Variants in CHRM1 observed in about 807,000 individuals in gnomAD.
CHRM1 encodes muscarinic acetylcholine receptor M1.
Under a neutral mutation model 31.6 loss-of-function variants are expected in CHRM1, and 5 were observed. The observed-to-expected ratio is 0.16, with a 90% CI of 0.08 to 0.33. The LOEUF (loss-of-function observed/expected upper bound fraction) is 0.33. Among genes scored for constraint, CHRM1 ranks in the 10% least tolerant of loss-of-function variants. The probability of loss-of-function intolerance (pLI) is 1.00; values close to 1 mark genes in which losing one functional copy is unlikely to be tolerated. For synonymous variants in CHRM1, 227 were observed against 249.7 expected (o/e 0.91, Z 0.86); for missense variants, 338 against 610.3 (o/e 0.55, Z 4.70).
In CHRM1 at chr11:62,910,681, G is replaced by A. The variant is rs2085866058; in HGVS notation, c.420C>T (p.Arg140=). The change falls in exon 2 of 2, where the codon CGC becomes CGT. Residue 140 remains arginine (R), a synonymous_variant. Coordinates refer to ENST00000306960, the MANE Select transcript of CHRM1 (RefSeq NM_000738.3). This position sits in a 1 kb window ranked among gnomAD's most constrained non-coding sequence, Gnocchi z 8.7. ...CCAGGCCGATCATCAGAGCTGCCCG[G>A]CGGGGTGTGCGCTTGGCACGGTAGC... is the stretch of plus-strand genomic sequence containing the variant. ...PLSYRAKRTP[R]RAALMIGLAW... is the part of the protein sequence containing the mutation. The A allele has an allele frequency of 1.2e-6, 2 of 1,614,064 alleles. No individual in the cohort carries two copies. The highest frequency in any genetic ancestry group is 8.5e-7 in the Non-Finnish European group (1 of 1,180,046).
chr11:62,914,912 C>T (rs1287793034), intron 1 of CHRM1, among the ~76,000 whole-genome samples: 1 of 152,184 alleles, frequency 6.6e-6, no homozygotes, highest in African/African-American at 2.4e-5. Context: ...TGGTGGCTCA[C>T]GCCTGTAATC....
In CHRM1 at chr11:62,911,138, T is replaced by C; in HGVS notation, c.-38A>G. 3 of 1,593,078 alleles carry C rather than the reference T, an allele frequency of 1.9e-6. No homozygotes were observed. The highest frequency in any genetic ancestry group is 2.6e-6 in the Non-Finnish European group (3 of 1,167,318). On this transcript the variant is annotated 5_prime_UTR_variant, in exon 2 of 2. Coordinates refer to ENST00000306960, the MANE Select transcript of CHRM1 (RefSeq NM_000738.3). ...GGGCTGGGGTTGGAGAGCCCCTTCC[T>C]CCAGGCACGCTACAGGGCTTCCTCA...
intron 1 of CHRM1, among the ~76,000 whole-genome samples, chr11:62,919,217 C>T (rs769653833): frequency 2.6e-5 from 4 of 152,164 alleles, no homozygotes; most frequent in Non-Finnish European, 4.4e-5. Flanking sequence ...CATTAAGGTG[C>T]ACAAAACTTC....
rs981158813 is a variant in CHRM1 at position 62,910,948 on chromosome 11, C to T, written c.153G>A (p.Lys51=). The T allele has an allele frequency of 1.1e-5, 17 of 1,614,050 alleles. No homozygotes were observed. In the African/African-American group the frequency reaches 2.0e-4, roughly 19 times the overall value. ...TGACTGTCTTGAGCTCCGTGTTGAC[C>T]TTGAAAGAGATGAGTACCAGCAGGT... ...TGNLLVLISF[K]VNTELKTVNN... Residue 51 remains lysine, a synonymous_variant, in exon 2 of 2, where the codon AAG becomes AAA. Transcript: ENST00000306960. This position sits in a 1 kb window ranked among gnomAD's most constrained non-coding sequence, Gnocchi z 8.7.
chr11:62,912,087 A>C (rs1003135222), intron 1 of CHRM1, among the ~76,000 whole-genome samples: 1 of 152,098 alleles, frequency 6.6e-6, no homozygotes, highest in Non-Finnish European at 1.5e-5. Context: ...GGTCTGGGGC[A>C]GGCCGGCGTG....
intron 1 of CHRM1, among the ~76,000 whole-genome samples, chr11:62,915,802 GTTA>G (rs906570897): frequency 5.9e-5 from 9 of 151,464 alleles, no homozygotes; most frequent in South Asian, 2.1e-4. Context: ...AAGCCTTATT[GTTA>G]TTATTATTAT....
At chr11:62,916,620 T>C (rs2085901715) in intron 1 of CHRM1, among the ~76,000 whole-genome samples, 2 of 152,248 alleles carry the variant, frequency 1.3e-5, no homozygotes, top group Non-Finnish European at 2.9e-5. Context: ...TAATGCCTCC[T>C]GGATGGCAGG....
intron 1 of CHRM1, among the ~76,000 whole-genome samples, chr11:62,916,644 T>C (rs984344293): frequency 1.3e-5 from 2 of 152,228 alleles, no homozygotes; most frequent in African/African-American, 2.4e-5. Flanking sequence ...TTAATATATA[T>C]TCTTTCCCTT....
chr11:62,911,204 G>T (rs1167770429), intron 1 of CHRM1, 26 bp from the exon 2 acceptor site: 2 of 1,119,446 alleles, frequency 1.8e-6, no homozygotes, highest in Non-Finnish European at 2.5e-6. Flanking sequence ...ATGGGCTTTG[G>T]TTGGGCCACT....
intron 1 of CHRM1, 102 bp downstream of exon 1, chr11:62,921,116 C>G (rs2085931137): frequency 6.5e-6 from 1 of 152,786 alleles, no homozygotes; most frequent in African/African-American, 2.4e-5. Context: ...GAGTCCATCC[C>G]TATTTCCATC....
At position 62,909,626 on chromosome 11, in the gene CHRM1, AGCAGGGCCCTGGGGCTGAGGAT is replaced by A; in HGVS notation, c.*70_*91del. The A allele has an allele frequency of 1.3e-6, 2 of 1,488,300 alleles. No homozygotes were observed. The highest frequency in any genetic ancestry group is 1.8e-6 in the Non-Finnish European group (2 of 1,100,870). The allele number at this position is 1,488,300 out of a possible 1,614,324, so 92.2% of individuals were successfully genotyped here. On this transcript the variant is annotated 3_prime_UTR_variant, in exon 2 of 2. Coordinates refer to ENST00000306960, the MANE Select transcript of CHRM1 (RefSeq NM_000738.3). ...GTCCTGGGAAGCCAGGTGAGGCCTG[AGCAGGGCCCTGGGGCTGAGGAT>A]GCAGCCCCTGCCCTCTTCCCACCGG...
In CHRM1 at chr11:62,909,204, C is replaced by T. The variant is rs1461139289; in HGVS notation, c.*514G>A. 4 of 167,216 alleles carry T rather than the reference C, an allele frequency of 2.4e-5. No individual in the cohort carries two copies. The highest frequency in any genetic ancestry group is 5.5e-5 in the Admixed American group (1 of 18,186). The allele number at this position is 167,216 out of a possible 1,614,324, so 10.4% of individuals were successfully genotyped here. A position where few individuals can be genotyped will look rare whatever the true frequency, so the allele number is the denominator to read the frequency against. On this transcript the variant is annotated 3_prime_UTR_variant, in exon 2 of 2. Transcript: ENST00000306960. ...TTGTGGACAATCCTGGAGAGTATGC[C>T]TAGGGCCCAGGTGGGCGGGCTCTGC...
intron 1 of CHRM1, among the ~76,000 whole-genome samples, chr11:62,915,676 G>T (rs2085896747): frequency 6.6e-6 from 1 of 152,122 alleles, no homozygotes. Context: ...CTTCCTTGCT[G>T]TGTGACCATC....
chr11:62,910,316 C>G lies in CHRM1; in HGVS notation c.785G>C (p.Cys262Ser). The G allele has an allele frequency of 6.2e-7, 1 of 1,610,858 alleles. No homozygotes were observed. Among genetic ancestry groups the G allele is most frequent in the Non-Finnish European group, 8.5e-7 (1 of 1,179,984 alleles). The change falls in exon 2 of 2, where the codon TGC becomes TCC. Residue 262 changes from cysteine (C) to serine (S), a missense_variant. Physicochemically the swap from Cys to Ser is moderately radical, Grantham distance 112. Around this residue, in one of 4 missense-constraint regions of CHRM1, gnomAD observed 183 missense variants for 223.4 expected, o/e 0.82. Transcript: ENST00000306960. This position sits in a 1 kb window ranked among gnomAD's most constrained non-coding sequence, Gnocchi z 8.7. ...PETPPGRCCR[C>S]CRAPRLLQAY... ...CTGCAGCAGCCTGGGGGCCCGGCAG[C>G]AGCGACAGCAGCGGCCTGGAGGAGT...
chr11:62,914,856 C>G (rs1331085172), intron 1 of CHRM1, among the ~76,000 whole-genome samples: 1 of 152,174 alleles, frequency 6.6e-6, no homozygotes, highest in African/African-American at 2.4e-5. Flanking sequence ...CTCTCATCTG[C>G]CTGGGCATGG....
In CHRM1 at chr11:62,908,849, G is replaced by C. The variant is rs2085851083; in HGVS notation, c.*869C>G. On this transcript the variant is annotated 3_prime_UTR_variant, in exon 2 of 2. Transcript: ENST00000306960. ...CTGCTGGCTGGGCCAGGCCTGTGTG[G>C]GGCAGGGCCGGAGGCAGGCAGCATG... 1 of 152,990 alleles carries C rather than the reference G, an allele frequency of 6.5e-6. No individual in the cohort carries two copies. Among genetic ancestry groups the C allele is most frequent in the African/African-American group, 2.4e-5 (1 of 41,478 alleles). The allele number at this position is 152,990 out of a possible 1,614,324, so 9.5% of individuals were successfully genotyped here. A position where few individuals can be genotyped will look rare whatever the true frequency, so the allele number is the denominator to read the frequency against.
chr11:62,910,095 G>T lies in CHRM1; in HGVS notation c.1006C>A (p.Arg336=). 1 of 1,612,170 alleles carries T rather than the reference G, an allele frequency of 6.2e-7. No individual in the cohort carries two copies. The highest frequency in any genetic ancestry group is 8.5e-7 in the Non-Finnish European group (1 of 1,179,490). The change falls in exon 2 of 2, where the codon CGA becomes AGA. Residue 336 remains arginine (R), a synonymous_variant. Coordinates refer to ENST00000306960, the MANE Select transcript of CHRM1 (RefSeq NM_000738.3). The surrounding 1 kb of genome is among the most constrained non-coding windows in gnomAD (Gnocchi z 8.7). The part of the protein sequence containing the change: ...VKRPTKKGRD[R]AGKGQKPRGK... ...CGGGGCTTCTGGCCCTTGCCAGCTC[G>T]ATCACGCCCTTTCTTAGTCGGCCTC...
At chr11:62,917,820 G>C (rs1432738890) in intron 1 of CHRM1, 1 of 152,070 alleles carries the variant, frequency 6.6e-6, no homozygotes, top group Non-Finnish European at 1.5e-5. Context: ...TATAGTAACT[G>C]GTATTTACTG....
At position 62,910,136 on chromosome 11, in the gene CHRM1, G is replaced by C; in HGVS notation, c.965C>G (p.Ser322Cys). 6.2e-7 allele frequency: 1 copy of C among 1,608,578 alleles called. No individual in the cohort carries two copies. The highest frequency in any genetic ancestry group is 8.5e-7 in the Non-Finnish European group (1 of 1,177,440). ...QAPTKQPPRSSPNTVKRPTKK... is the reference protein window; with the variant it reads ...QAPTKQPPRSCPNTVKRPTKK... ...AGTCGGCCTCTTGACTGTATTTGGG[G>C]AGCTCCGTGGGGGCTGCTTGGTGGG... Residue 322 changes from serine (S) to cysteine (C), a missense_variant, in exon 2 of 2, where the codon TCC becomes TGC. By Grantham distance (112) the Ser-to-Cys change is moderately radical. Coordinates refer to ENST00000306960, the MANE Select transcript of CHRM1 (RefSeq NM_000738.3). This position sits in a 1 kb window ranked among gnomAD's most constrained non-coding sequence, Gnocchi z 8.7.
Sources: gnomAD v4.1 joint callset for allele counts (sites outside exome capture counted in the v4.1 genomes callset) on GRCh38, gnomAD v4.1.1 for gene constraint, gnomAD v4.1.1 regional missense constraint, Gnocchi (gnomAD v3.1) non-coding constraint, MANE v1.5 for transcripts, NCBI Gene and HGNC (gene_info 2026-07-23, HGNC 2026-07-21) for gene names.